The following SHROOM4 variants were observed in gnomAD, a reference collection of about 807,000 sequenced individuals.
SHROOM4 encodes shroom family member 4, also known as protein Shroom4.
Under a neutral mutation model 80.3 loss-of-function variants are expected in SHROOM4, and 17 were observed. That is an observed-to-expected ratio of 0.21 (90% CI 0.14 to 0.32). The LOEUF is 0.32. Among genes scored for constraint, SHROOM4 ranks in the 10% least tolerant of loss-of-function variants. The pLI is 1.00. For missense variants in SHROOM4, 993 were observed against 1,140.3 expected, an observed-to-expected ratio of 0.87 and a Z score of 1.86; for synonymous variants, 400 against 437.5, an observed-to-expected ratio of 0.91 and a Z score of 1.07.
chrX:50,576,623 G>T, the SHROOM4 span, among the ~76,000 whole-genome samples: 1 of 111,121 alleles, frequency 9.0e-6, no homozygotes, highest in African/African-American at 3.3e-5. Context: ...GTGTGTGTTT[G>T]TGTGTGTGTG....
the SHROOM4 span, among the ~76,000 whole-genome samples, chrX:50,578,870 A>T: frequency 3.6e-5 from 4 of 112,384 alleles, no homozygotes; most frequent in African/African-American, 1.3e-4. Context: ...AAGGAAAAAA[A>T]TACAGGAGAT....
intron 2 of SHROOM4, among the ~76,000 whole-genome samples, chrX:50,687,707 G>T (rs191218679): frequency 1.8e-5 from 2 of 110,996 alleles, no homozygotes; most frequent in Admixed American, 9.6e-5. Flanking sequence ...CTAGATACCA[G>T]GTTCATATAA....
Position 50,595,625 on chromosome X carries a change from T to G in SHROOM4, c.*1070A>C. Reference sequence around the variant, plus strand: ...CAGGCCACAGTAGGGAGGCTCTGAGTTCAAGGGGAAAACTCCTTCCTAGAC... The same window carrying G: ...CAGGCCACAGTAGGGAGGCTCTGAGGTCAAGGGGAAAACTCCTTCCTAGAC... On this transcript the variant is annotated 3_prime_UTR_variant, in exon 9 of 9. Coordinates refer to ENST00000376020, the MANE Select transcript of SHROOM4 (RefSeq NM_020717.5). 4.0e-6 allele frequency: 1 copy of G among 248,412 alleles called. No individual in the cohort carries two copies. The highest frequency in any genetic ancestry group is 7.5e-6 in the Non-Finnish European group (1 of 133,885). The allele number at this position is 248,412 out of a possible 1,213,427, so 20.5% of individuals were successfully genotyped here.
chrX:50,668,269 G>A (rs1472966616), intron 2 of SHROOM4, among the ~76,000 whole-genome samples: 1 of 111,254 alleles, frequency 9.0e-6, no homozygotes, highest in African/African-American at 3.3e-5. Flanking sequence ...CGGCCTAGTG[G>A]GGTGTTAGAA....
At chrX:50,671,750 G>A (rs1358381169) in intron 2 of SHROOM4, among the ~76,000 whole-genome samples, 3 of 112,676 alleles carry the variant, frequency 2.7e-5, no homozygotes, top group Non-Finnish European at 5.6e-5. Context: ...CAATAAGGCT[G>A]TTTCACTTTT....
At chrX:50,617,402 G>C (rs1340974401) in intron 5 of SHROOM4, among the ~76,000 whole-genome samples, 1 of 111,248 alleles carries the variant, frequency 9.0e-6, no homozygotes, top group Non-Finnish European at 1.9e-5. Flanking sequence ...AAGAAACCAG[G>C]AGACCTCAAG....
Position 50,717,439 on chromosome X carries a change from GATCT to G in SHROOM4, c.118-21506_118-21503del, listed in dbSNP as rs1933992094. Among the ~76,000 whole-genome samples the G allele has an allele frequency of 2.7e-5, 3 of 112,005 alleles. No homozygotes were observed. In the Middle Eastern group the frequency reaches 0.014, roughly 521 times the overall value. On this transcript the variant is annotated intron_variant, in intron 1 of 8. Transcript: ENST00000376020. ...TTACCATGTTGGCCAGGATGGTCTC[GATCT>G]ATCTCTTGACCTCGTGATCTGCCCA...
At chrX:50,811,003 A>G (rs1168910027) in intron 1 of SHROOM4, among the ~76,000 whole-genome samples, 1 of 112,316 alleles carries the variant, frequency 8.9e-6, no homozygotes, top group Non-Finnish European at 1.9e-5. Flanking sequence ...GAAGAGAGCC[A>G]GAGCTAGCAT....
intron 1 of SHROOM4, among the ~76,000 whole-genome samples, chrX:50,736,054 C>CG (rs1934483224): frequency 9.2e-6 from 1 of 108,154 alleles, no homozygotes; most frequent in African/African-American, 3.4e-5. Flanking sequence ...AATTAGCCAT[C>CG]GGGGGAAAAT....
At chrX:50,718,364 G>A (rs370377723) in intron 1 of SHROOM4, among the ~76,000 whole-genome samples, 97 of 111,677 alleles carry the variant, frequency 8.7e-4, no homozygotes, top group African/African-American at 3.1e-3. Context: ...CACCAACAAA[G>A]CAGAATAGAT....
intron 1 of SHROOM4, among the ~76,000 whole-genome samples, chrX:50,742,434 T>C (rs1406736817): frequency 9.0e-6 from 1 of 111,181 alleles, no homozygotes; most frequent in Non-Finnish European, 1.9e-5. Context: ...TCTTTTTCTT[T>C]GGTTCCAGGA....
chrX:50,764,704 A>G (rs1935235182), intron 1 of SHROOM4, among the ~76,000 whole-genome samples: 1 of 111,845 alleles, frequency 8.9e-6, no homozygotes, highest in Non-Finnish European at 1.9e-5. Context: ...CAATGGGGAG[A>G]GAATATGTTT....
Position 50,633,917 on chromosome X carries a change from C to T in SHROOM4, c.2156G>A (p.Cys719Tyr). ...TCTCCAATGACCTCCACGGACTCCACAGTGAGCATGTGCTTTCTCAGGGTC... is the reference window on the plus strand; with the variant it reads ...TCTCCAATGACCTCCACGGACTCCATAGTGAGCATGTGCTTTCTCAGGGTC... ...SSDPEKAHAH[C>Y]GVRGGHWRWS... Residue 719 changes from cysteine to tyrosine, a missense_variant, in exon 4 of 9, where the codon TGT becomes TAT. Coordinates refer to ENST00000376020, the MANE Select transcript of SHROOM4 (RefSeq NM_020717.5). 8.3e-7 allele frequency: 1 copy of T among 1,211,776 alleles called. No homozygotes were observed. The highest frequency in any genetic ancestry group is 1.1e-6 in the Non-Finnish European group (1 of 895,521).
downstream of SHROOM4, among the ~76,000 whole-genome samples, chrX:50,582,927 T>TTAAG (rs369105509): frequency 9.0e-6 from 1 of 110,740 alleles, no homozygotes; most frequent in African/African-American, 3.3e-5. Context: ...TATTTGGAAG[T>TTAAG]TAAGTTTTAT....
intron 1 of SHROOM4, among the ~76,000 whole-genome samples, chrX:50,804,984 C>G (rs183234237): frequency 9.0e-6 from 1 of 111,520 alleles, no homozygotes; most frequent in African/African-American, 3.3e-5. Context: ...AAGCCTGATA[C>G]TTACCCCCTG....
In SHROOM4 at chrX:50,592,090, C is replaced by T. The variant is rs782033746; in HGVS notation, c.*4605G>A. 1.2e-5 allele frequency: 4 copies of T among 329,523 alleles called. No homozygotes were observed. Among genetic ancestry groups the T allele is most frequent in the South Asian group, 2.6e-5 (1 of 38,487 alleles). 27.2% of individuals were successfully genotyped at this position (329,523 alleles called of 1,213,427 possible). On this transcript the variant is annotated 3_prime_UTR_variant, in exon 9 of 9. Transcript: ENST00000376020. ...TTTTAACCTTGTATCCTGCAACTTTCCTAAATTCATCCAGGCAGGTAGTTG... is the reference window on the plus strand; with the variant it reads ...TTTTAACCTTGTATCCTGCAACTTTTCTAAATTCATCCAGGCAGGTAGTTG...
chrX:50,781,690 C>T (rs1250156623), intron 1 of SHROOM4, among the ~76,000 whole-genome samples: 2 of 110,217 alleles, frequency 1.8e-5, no homozygotes, highest in African/African-American at 3.3e-5. Flanking sequence ...GCTATTTCAG[C>T]CAAAACAATT....
At chrX:50,771,772 T>C (rs1935398415) in intron 1 of SHROOM4, among the ~76,000 whole-genome samples, 1 of 112,206 alleles carries the variant, frequency 8.9e-6, no homozygotes, top group African/African-American at 3.2e-5. Context: ...TGTGCAAAGG[T>C]GTACGTACAC....
chrX:50,737,490 T>C (rs991082308), intron 1 of SHROOM4, among the ~76,000 whole-genome samples: 4 of 111,194 alleles, frequency 3.6e-5, no homozygotes, highest in Non-Finnish European at 5.7e-5. Context: ...TACAAACAGA[T>C]TGGAAGTTTA....
Sources: allele counts gnomAD v4.1 joint callset (sites outside exome capture counted in the v4.1 genomes callset), GRCh38; gene constraint gnomAD v4.1.1; transcripts MANE v1.5; gene names NCBI Gene and HGNC (gene_info 2026-07-23, HGNC 2026-07-21).